The following XRCC5 variants were observed in gnomAD, a reference collection of about 807,000 sequenced individuals.
The protein encoded by XRCC5 is DNA repair protein Ku80.
Under a neutral mutation model 95.7 loss-of-function variants are expected in XRCC5, and 12 were observed. The ratio of observed to expected loss-of-function variants is 0.13; its 90% CI spans 0.08 to 0.20. The LOEUF is 0.20. Among genes scored for constraint, XRCC5 ranks in the 10% least tolerant of loss-of-function variants. The pLI, the probability that XRCC5 is intolerant of heterozygous loss-of-function variation, is 1.00. For missense variants in XRCC5, 595 were observed against 873.9 expected (o/e 0.68, Z 4.02); for synonymous variants, 281 against 290.3 (o/e 0.97, Z 0.33).
rs1689938364 is a variant in XRCC5, at chr2:216,206,063, A to G, written c.*861A>G. 1 of 152,216 alleles carries G rather than the reference A, an allele frequency of 6.6e-6. No individual in the cohort carries two copies. Among genetic ancestry groups the G allele is most frequent in the Admixed American group, 6.5e-5 (1 of 15,286 alleles). The allele number at this position is 152,216 out of a possible 1,614,324, so 9.4% of individuals were successfully genotyped here. On this transcript the variant is annotated 3_prime_UTR_variant, in exon 21 of 21. Coordinates refer to ENST00000392132, the MANE Select transcript of XRCC5 (RefSeq NM_021141.4). Reference sequence around the variant, plus strand: ...TTTCGGTCTTTCCCATTTCTACCTAAGTCAGCTTTCATCTTTGTGGATGGT... The same window carrying G: ...TTTCGGTCTTTCCCATTTCTACCTAGGTCAGCTTTCATCTTTGTGGATGGT...
chr2:216,160,761 C>A (rs1688937660), intron 15 of XRCC5, among the ~76,000 whole-genome samples: 1 of 151,798 alleles, frequency 6.6e-6, no homozygotes, highest in African/African-American at 2.4e-5. Flanking sequence ...TCACTGTCAC[C>A]CACGCCGGAG....
chr2:216,194,207 GAC>G (rs1689674592), intron 18 of XRCC5, among the ~76,000 whole-genome samples: 1 of 152,148 alleles, frequency 6.6e-6, no homozygotes, highest in Non-Finnish European at 1.5e-5. Flanking sequence ...TAAGCAAAAT[GAC>G]ACATAATGAA....
At chr2:216,123,213 T>C (rs998057974) in intron 6 of XRCC5, among the ~76,000 whole-genome samples, 7 of 152,142 alleles carry the variant, frequency 4.6e-5, no homozygotes, top group African/African-American at 1.7e-4. Context: ...GTAGCTACAG[T>C]GTATATCTCC....
intron 14 of XRCC5, chr2:216,156,385 A>G (rs547459399): frequency 1.5e-5 from 12 of 801,284 alleles, no homozygotes; most frequent in African/African-American, 5.2e-5. Context: ...CAACCCTTCA[A>G]TTTAAGTGCT....
At chr2:216,160,485 G>A (rs926276135) in intron 15 of XRCC5, among the ~76,000 whole-genome samples, 11 of 152,060 alleles carry the variant, frequency 7.2e-5, no homozygotes, top group Admixed American at 2.0e-4. Context: ...ATAAGTGGGG[G>A]TTAGTGATAC....
intron 13 of XRCC5, among the ~76,000 whole-genome samples, chr2:216,141,997 T>C (rs910390380): frequency 4.6e-5 from 7 of 151,424 alleles, no homozygotes; most frequent in African/African-American, 7.3e-5. Context: ...GAGAGTGGAG[T>C]TAGCCGAGAT....
chr2:216,160,045 GA>G (rs1017353642), intron 14 of XRCC5, 22 bp from the exon 15 acceptor site: 11 of 1,480,892 alleles, frequency 7.4e-6, no homozygotes, highest in Non-Finnish European at 1.0e-5. Flanking sequence ...TGTTCTAAGA[GA>G]AATTTTTTTT....
chr2:216,198,334 T>C (rs1348492129), intron 19 of XRCC5, among the ~76,000 whole-genome samples: 4 of 152,062 alleles, frequency 2.6e-5, no homozygotes. Flanking sequence ...AGTCATAGAG[T>C]AGACCCTGTA....
At chr2:216,118,955 C>T in intron 4 of XRCC5, 88 bp from the exon 5 acceptor site, 1 of 1,397,356 alleles carries the variant, frequency 7.2e-7, no homozygotes, top group East Asian at 2.3e-5. Context: ...CATTTCTAAG[C>T]TTCTCTCCTC....
chr2:216,193,874 G>C (rs1164558725), intron 18 of XRCC5, among the ~76,000 whole-genome samples: 2 of 152,152 alleles, frequency 1.3e-5, no homozygotes, highest in South Asian at 2.1e-4. Flanking sequence ...TTTGATGTAG[G>C]AAAATAGGAA....
chr2:216,144,082 A>C (rs1299021348), intron 13 of XRCC5, among the ~76,000 whole-genome samples: 1 of 152,156 alleles, frequency 6.6e-6, no homozygotes, highest in Non-Finnish European at 1.5e-5. Flanking sequence ...ACCAGTTGTT[A>C]AAACAGTGGT....
chr2:216,189,826 G>A (rs899476883), intron 16 of XRCC5, among the ~76,000 whole-genome samples: 1 of 152,198 alleles, frequency 6.6e-6, no homozygotes, highest in African/African-American at 2.4e-5. Flanking sequence ...GGAGGGACTA[G>A]AGGATCTGTT....
chr2:216,113,466 C>G (rs774077164), intron 2 of XRCC5, among the ~76,000 whole-genome samples: 5 of 152,202 alleles, frequency 3.3e-5, no homozygotes, highest in Non-Finnish European at 5.9e-5. Context: ...TGATGTTGAA[C>G]AAGTCCCTCA....
chr2:216,191,199 A>G (rs1689606720), intron 17 of XRCC5, among the ~76,000 whole-genome samples: 1 of 152,212 alleles, frequency 6.6e-6, no homozygotes, highest in Non-Finnish European at 1.5e-5. Flanking sequence ...TTCAATGGAA[A>G]GAGATAGTAA....
chr2:216,148,201 A>G lies in XRCC5; in HGVS notation c.1595A>G (p.Lys532Arg). ...VTTKSQIPLSKIKTLFPLIEA... is the reference protein window; with the variant it reads ...VTTKSQIPLSRIKTLFPLIEA... ...ACAAAAAGTCAGATTCCTCTCTCTA[A>G]AATAAAGACCCTTTTTCCTCTGATT... The change falls in exon 14 of 21, where the codon AAA becomes AGA. Residue 532 changes from lysine to arginine, a missense_variant. Physicochemically the swap from Lys to Arg is conservative, Grantham distance 26. This residue lies in a region of XRCC5 where 309 missense variants were observed against 382.9 expected (regional missense o/e 0.81). Coordinates refer to ENST00000392132, the MANE Select transcript of XRCC5 (RefSeq NM_021141.4). The G allele has an allele frequency of 6.2e-7, 1 of 1,614,082 alleles. No homozygotes were observed. Among genetic ancestry groups the G allele is most frequent in the Non-Finnish European group, 8.5e-7 (1 of 1,179,994 alleles).
intron 16 of XRCC5, 77 bp from the exon 17 acceptor site, chr2:216,190,148 T>TA: frequency 1.6e-6 from 2 of 1,261,072 alleles, no homozygotes; most frequent in South Asian, 2.6e-5. Flanking sequence ...AATACATACT[T>TA]ATAGGCACAA....
intron 16 of XRCC5, among the ~76,000 whole-genome samples, chr2:216,185,871 C>G (rs1232643773): frequency 6.6e-6 from 1 of 152,074 alleles, no homozygotes; most frequent in East Asian, 1.9e-4. Flanking sequence ...GTGATCCGTC[C>G]TCCTTGGCCT....
chr2:216,179,738 G>C (rs1004666748), intron 16 of XRCC5, among the ~76,000 whole-genome samples: 3 of 152,158 alleles, frequency 2.0e-5, no homozygotes, highest in Admixed American at 6.5e-5. Flanking sequence ...TCAGAGAGCT[G>C]GCTGGGGTAC....
At chr2:216,162,890 G>T (rs954274158) in intron 16 of XRCC5, among the ~76,000 whole-genome samples, 2 of 152,146 alleles carry the variant, frequency 1.3e-5, no homozygotes, top group Admixed American at 1.3e-4. Context: ...AGCTTTCAGG[G>T]ATGCACAGAG....
Sources: gnomAD v4.1 joint callset for allele counts (sites outside exome capture counted in the v4.1 genomes callset) on GRCh38, gnomAD v4.1.1 for gene constraint, gnomAD v4.1.1 regional missense constraint, MANE v1.5 for transcripts, NCBI Gene and HGNC (gene_info 2026-07-23, HGNC 2026-07-21) for gene names.